Variants in ZNF148 observed in about 807,000 individuals in gnomAD.
ZNF148 encodes Beta-Enolase Repressor Factor-1.
Under a neutral mutation model 67.7 loss-of-function variants are expected in ZNF148, and 7 were observed. The ratio of observed to expected loss-of-function variants is 0.10; its 90% CI spans 0.06 to 0.19. The LOEUF is 0.19. Among genes scored for constraint, ZNF148 ranks in the 10% least tolerant of loss-of-function variants. ZNF148 has a pLI of 1.00. For missense variants in ZNF148, 583 were observed against 947.1 expected, an observed-to-expected ratio of 0.62 and a Z score of 5.05; for synonymous variants, 333 against 330.7, an observed-to-expected ratio of 1.01 and a Z score of -0.08.
At chr3:125,246,665 T>C (rs769971771) in intron 7 of ZNF148, among the ~76,000 whole-genome samples, 44 of 152,154 alleles carry the variant, frequency 2.9e-4, no homozygotes, top group Non-Finnish European at 4.4e-5. Context: ...AACAAATGAT[T>C]ACTTACATAT....
At position 125,289,566 on chromosome 3, in the gene ZNF148, C is replaced by T. The variant is rs371872914; in HGVS notation, c.334-1338G>A. Among the ~76,000 whole-genome samples the T allele has an allele frequency of 4.6e-5, 7 of 152,282 alleles. No individual in the cohort carries two copies. In the South Asian group the frequency reaches 8.3e-4, roughly 18 times the overall value. On this transcript the variant is annotated intron_variant, in intron 4 of 8. Transcript: ENST00000360647. ...CACCTACAAGACTTGGGAATACAGA[C>T]CTCTTATCACCTCTGAAGTGGTATT...
rs1321186340 is a variant in ZNF148 at position 125,229,041 on chromosome 3, T to C, written c.*3300A>G. On this transcript the variant is annotated 3_prime_UTR_variant, in exon 9 of 9. Coordinates refer to ENST00000360647, the MANE Select transcript of ZNF148 (RefSeq NM_021964.3). ...AAATTATTTCCCTGAAATAAAGCAA[T>C]TTGAAACGGAAAATTAAATTAAATT... 1 of 152,504 alleles carries C rather than the reference T, an allele frequency of 6.6e-6. No homozygotes were observed. The highest frequency in any genetic ancestry group is 1.5e-5 in the Non-Finnish European group (1 of 67,998). The allele number at this position is 152,504 out of a possible 1,614,324, so 9.4% of individuals were successfully genotyped here.
chr3:125,351,858 C>T (rs920427188), intron 1 of ZNF148, among the ~76,000 whole-genome samples: 10 of 152,170 alleles, frequency 6.6e-5, no homozygotes, highest in African/African-American at 2.4e-4. Flanking sequence ...GCTTCACACC[C>T]ACCAGCATAG....
At chr3:125,302,948 C>G (rs192599370) in intron 4 of ZNF148, among the ~76,000 whole-genome samples, 63 of 152,234 alleles carry the variant, frequency 4.1e-4, no homozygotes, top group African/African-American at 1.5e-3. Context: ...TAACCAAAAC[C>G]TGGAGACAAC....
Position 125,332,646 on chromosome 3 carries a change from T to C in ZNF148, c.-233-1408A>G, listed in dbSNP as rs148552192. On this transcript the variant is annotated intron_variant, in intron 1 of 8. Coordinates refer to ENST00000360647, the MANE Select transcript of ZNF148 (RefSeq NM_021964.3). ...GCCACCTGATAAGACCATGTCCGTA[T>C]AAGGCAAATGCCAAGCGGTAACCAA... 2.0e-4 allele frequency among the ~76,000 whole-genome samples: 31 copies of C among 152,298 alleles called. No homozygotes were observed. In the East Asian group the frequency reaches 6.0e-3, roughly 29 times the overall value.
At chr3:125,238,855 T>G (rs1936215460) in intron 7 of ZNF148, among the ~76,000 whole-genome samples, 2 of 152,168 alleles carry the variant, frequency 1.3e-5, no homozygotes, top group South Asian at 4.1e-4. Context: ...AAGGCAGAAG[T>G]AACCCAAGTG....
chr3:125,237,711 C>G (rs1251958444), intron 7 of ZNF148, among the ~76,000 whole-genome samples: 1 of 152,066 alleles, frequency 6.6e-6, no homozygotes, highest in African/African-American at 2.4e-5. Context: ...TCAATTAATT[C>G]TATATATTTG....
chr3:125,242,256 C>CTT (rs1936398603), intron 7 of ZNF148, among the ~76,000 whole-genome samples: 1 of 152,174 alleles, frequency 6.6e-6, no homozygotes, highest in African/African-American at 2.4e-5. Context: ...TTAGAAAAGA[C>CTT]TTCTCCACTC....
chr3:125,259,997 G>A (rs1383659666), intron 7 of ZNF148, among the ~76,000 whole-genome samples: 1 of 152,170 alleles, frequency 6.6e-6, no homozygotes, highest in Admixed American at 6.5e-5. Flanking sequence ...AGTGTCTCAG[G>A]AAATGGGGTC....
intron 7 of ZNF148, among the ~76,000 whole-genome samples, chr3:125,257,534 G>A (rs1429043812): frequency 1.5e-5 from 2 of 134,894 alleles, no homozygotes; most frequent in South Asian, 2.3e-4. Context: ...CAGCCTGGGC[G>A]ACAGAGCGAG....
chr3:125,341,426 G>A (rs745600405), intron 1 of ZNF148, among the ~76,000 whole-genome samples: 57 of 151,484 alleles, frequency 3.8e-4, no homozygotes, highest in Admixed American at 9.9e-4. Context: ...TAAGACCAGC[G>A]TGGGCAACAC....
chr3:125,317,060 GACCTCTTCAAAAAT>G (rs1470603679), intron 3 of ZNF148, among the ~76,000 whole-genome samples: 3 of 152,204 alleles, frequency 2.0e-5, no homozygotes, highest in Non-Finnish European at 4.4e-5. Context: ...AAAAACAAAT[GACCTCTTCAAAAAT>G]ATTCCTGAAA....
chr3:125,328,689 T>C (rs1941137187), intron 2 of ZNF148, among the ~76,000 whole-genome samples: 1 of 150,842 alleles, frequency 6.6e-6, no homozygotes, highest in Non-Finnish European at 1.5e-5. Context: ...AATATACAAG[T>C]ATATAAAGAG....
intron 1 of ZNF148, among the ~76,000 whole-genome samples, chr3:125,372,794 C>T (rs1942933304): frequency 6.6e-6 from 1 of 151,626 alleles, no homozygotes; most frequent in Admixed American, 6.6e-5. Context: ...CGGAGAAACT[C>T]CATCTCTACT....
intron 1 of ZNF148, among the ~76,000 whole-genome samples, chr3:125,350,630 G>A (rs1579875020): frequency 6.6e-6 from 1 of 152,184 alleles, no homozygotes; most frequent in Non-Finnish European, 1.5e-5. Context: ...TTCTCAAAAG[G>A]AGCATGTAAA....
chr3:125,266,099 G>A (rs1316652234), intron 7 of ZNF148, among the ~76,000 whole-genome samples: 1 of 152,062 alleles, frequency 6.6e-6, no homozygotes, highest in Non-Finnish European at 1.5e-5. Flanking sequence ...AGGAAAAGAT[G>A]TATACAGCCA....
intron 5 of ZNF148, among the ~76,000 whole-genome samples, chr3:125,285,640 C>T (rs1938617496): frequency 1.3e-5 from 2 of 151,942 alleles, no homozygotes; most frequent in Non-Finnish European, 2.9e-5. Context: ...GCAATTCTTC[C>T]GTCTCAGCCT....
intron 1 of ZNF148, among the ~76,000 whole-genome samples, chr3:125,352,951 A>C (rs1270639598): frequency 1.3e-5 from 2 of 152,198 alleles, no homozygotes; most frequent in African/African-American, 4.8e-5. Context: ...ACCCCAAAAC[A>C]GACCAATACA....
At chr3:125,372,230 C>A (rs904260419) in intron 1 of ZNF148, among the ~76,000 whole-genome samples, 22 of 152,188 alleles carry the variant, frequency 1.4e-4, no homozygotes, top group African/African-American at 5.3e-4. Flanking sequence ...TCTTTATCAT[C>A]TCATCCAGCA....
Sources: allele counts gnomAD v4.1 joint callset (sites outside exome capture counted in the v4.1 genomes callset), GRCh38; gene constraint gnomAD v4.1.1; transcripts MANE v1.5; gene names NCBI Gene and HGNC (gene_info 2026-07-23, HGNC 2026-07-21).